Variants in EXOC6B observed in about 807,000 individuals in gnomAD.
EXOC6B encodes SEC15 homolog B.
EXOC6B carries 54 observed loss-of-function variants against 113.5 expected under a neutral mutation model. That is an observed-to-expected ratio of 0.48 (90% CI 0.38 to 0.60). The LOEUF (loss-of-function observed/expected upper bound fraction) is 0.60. Among genes scored for constraint, EXOC6B ranks in the 20% least tolerant of loss-of-function variants. The pLI, the probability that EXOC6B is intolerant of heterozygous loss-of-function variation, is 0.00. For missense variants in EXOC6B, 797 were observed against 977.5 expected (o/e 0.82, Z 2.46); for synonymous variants, 357 against 339.0 (o/e 1.05, Z -0.58).
At chr2:72,534,483 T>G (rs1229165620) in intron 8 of EXOC6B, among the ~76,000 whole-genome samples, 1 of 152,144 alleles carries the variant, frequency 6.6e-6, no homozygotes, top group Non-Finnish European at 1.5e-5. Context: ...ATACTTTAAC[T>G]TTATACTTCA....
intron 18 of EXOC6B, among the ~76,000 whole-genome samples, chr2:72,421,440 A>G (rs1168384296): frequency 6.6e-6 from 1 of 152,176 alleles, no homozygotes; most frequent in South Asian, 2.1e-4. Flanking sequence ...TAATTTTCAG[A>G]TAAATTTCAC....
At chr2:72,544,099 T>C (rs1702769663) in intron 8 of EXOC6B, among the ~76,000 whole-genome samples, 1 of 152,220 alleles carries the variant, frequency 6.6e-6, no homozygotes, top group Non-Finnish European at 1.5e-5. Flanking sequence ...AGCAGATGAA[T>C]ATTTTGAGAT....
chr2:72,243,293 C>T (rs987820170), intron 20 of EXOC6B, among the ~76,000 whole-genome samples: 14 of 152,122 alleles, frequency 9.2e-5, no homozygotes, highest in Admixed American at 2.0e-4. Flanking sequence ...CACATGCACA[C>T]GTATGTTTAT....
intron 1 of EXOC6B, among the ~76,000 whole-genome samples, chr2:72,757,990 A>C (rs1432449250): frequency 6.6e-6 from 1 of 151,876 alleles, no homozygotes; most frequent in Non-Finnish European, 1.5e-5. Flanking sequence ...GCAAGATCCC[A>C]ATCTCTACAA....
intron 20 of EXOC6B, among the ~76,000 whole-genome samples, chr2:72,281,821 A>G (rs935870549): frequency 6.6e-6 from 1 of 152,228 alleles, no homozygotes; most frequent in Non-Finnish European, 1.5e-5. Flanking sequence ...CAAAAACTGA[A>G]GATGAAGAGA....
At chr2:72,266,543 T>G (rs1478546081) in intron 20 of EXOC6B, among the ~76,000 whole-genome samples, 1 of 151,994 alleles carries the variant, frequency 6.6e-6, no homozygotes, top group East Asian at 1.9e-4. Flanking sequence ...TTTCTCAGGT[T>G]TGTCAAAGAT....
intron 17 of EXOC6B, among the ~76,000 whole-genome samples, chr2:72,470,649 G>A (rs1162576656): frequency 6.9e-6 from 1 of 144,002 alleles, no homozygotes; most frequent in Non-Finnish European, 1.5e-5. Context: ...CCCGGTGTGT[G>A]ATGTTCCCCT....
chr2:72,253,932 G>A (rs950708551), intron 20 of EXOC6B, among the ~76,000 whole-genome samples: 6 of 152,216 alleles, frequency 3.9e-5, no homozygotes, highest in South Asian at 2.1e-4. Context: ...AGGCTGAGGC[G>A]GGTGGATCAC....
intron 20 of EXOC6B, among the ~76,000 whole-genome samples, chr2:72,240,971 A>G (rs1299876604): frequency 1.3e-5 from 2 of 152,236 alleles, no homozygotes; most frequent in Non-Finnish European, 2.9e-5. Context: ...GAGCAGAAAC[A>G]AAGAAGCAGA....
At chr2:72,631,457 TATATAGAGAGAGAGAG>T (rs1672447471) in intron 6 of EXOC6B, among the ~76,000 whole-genome samples, 10 of 10,658 alleles carry the variant, frequency 9.4e-4, no homozygotes, top group African/African-American at 1.4e-3. Context: ...TATATATATA[TATATAGAGAGAGAGAG>T]AGAGAGAGAG....
chr2:72,639,721 G>C (rs997381882), intron 6 of EXOC6B, among the ~76,000 whole-genome samples: 3 of 152,152 alleles, frequency 2.0e-5, no homozygotes, highest in African/African-American at 7.2e-5. Flanking sequence ...AAGTCCCCCA[G>C]AATTAGAGTA....
intron 18 of EXOC6B, among the ~76,000 whole-genome samples, chr2:72,440,735 C>T (rs1696148607): frequency 6.6e-6 from 1 of 152,120 alleles, no homozygotes; most frequent in Admixed American, 6.5e-5. Context: ...CACAGAGTGG[C>T]AAGCTGGATA....
intron 8 of EXOC6B, among the ~76,000 whole-genome samples, chr2:72,532,218 A>C (rs1251914448): frequency 6.6e-6 from 1 of 152,192 alleles, no homozygotes; most frequent in Non-Finnish European, 1.5e-5. Context: ...TGCATATACA[A>C]AAAGGAAATG....
intron 20 of EXOC6B, among the ~76,000 whole-genome samples, chr2:72,322,164 GAAC>G (rs1411762264): frequency 6.6e-6 from 1 of 151,986 alleles, no homozygotes; most frequent in Non-Finnish European, 1.5e-5. Context: ...AAACTGGAAA[GAAC>G]AAAATGTTCA....
At chr2:72,699,488 A>AG (rs1422972632) in intron 6 of EXOC6B, among the ~76,000 whole-genome samples, 1 of 151,930 alleles carries the variant, frequency 6.6e-6, no homozygotes, top group East Asian at 1.9e-4. Flanking sequence ...AAAAAAAAAA[A>AG]AAAAAAGAAA....
chr2:72,303,229 TTCTC>T (rs1429484238), intron 20 of EXOC6B, among the ~76,000 whole-genome samples: 1 of 152,146 alleles, frequency 6.6e-6, no homozygotes, highest in Non-Finnish European at 1.5e-5. Flanking sequence ...GACCTGCCCT[TTCTC>T]TCTGTCTTTC....
chr2:72,403,369 A>G (rs1434333366), intron 18 of EXOC6B, among the ~76,000 whole-genome samples: 6 of 152,162 alleles, frequency 3.9e-5, no homozygotes, highest in Admixed American at 6.5e-5. Flanking sequence ...GTCAGAACAG[A>G]CATACACAAT....
At chr2:72,420,238 C>G (rs1324597421) in intron 18 of EXOC6B, among the ~76,000 whole-genome samples, 3 of 151,572 alleles carry the variant, frequency 2.0e-5, no homozygotes, top group African/African-American at 7.3e-5. Flanking sequence ...CTTTGAGAAT[C>G]TTTTTTATTA....
Position 72,802,055 on chromosome 2 carries a change from T to C in EXOC6B, c.113+23743A>G, listed in dbSNP as rs181035351. 7.0e-3 allele frequency among the ~76,000 whole-genome samples: 1,063 copies of C among 152,362 alleles called. 4 individuals carry two copies. Among genetic ancestry groups the C allele is most frequent in the Non-Finnish European group, 0.012 (800 of 68,026 alleles). ...TATAAGAACTTGTGGCTGGGCACTGTGGCTCATGCCTGTACTCCCAGCACT... is the reference window on the plus strand; with the variant it reads ...TATAAGAACTTGTGGCTGGGCACTGCGGCTCATGCCTGTACTCCCAGCACT... On this transcript the variant is annotated intron_variant, in intron 1 of 21. Transcript: ENST00000272427.
Sources: allele counts gnomAD v4.1 joint callset (sites outside exome capture counted in the v4.1 genomes callset), GRCh38; gene constraint gnomAD v4.1.1; transcripts MANE v1.5; gene names NCBI Gene and HGNC (gene_info 2026-07-23, HGNC 2026-07-21).